Variants in HSP90AB1 observed in about 807,000 individuals in gnomAD.
The protein encoded by HSP90AB1 is heat shock protein HSP 90-beta.
Under a neutral mutation model 67.8 loss-of-function variants are expected in HSP90AB1, and 17 were observed. That is an observed-to-expected ratio of 0.25 (90% CI 0.17 to 0.38). The LOEUF (loss-of-function observed/expected upper bound fraction) is 0.38. Among genes scored for constraint, HSP90AB1 ranks in the 10% least tolerant of loss-of-function variants. The pLI is 1.00. For missense variants in HSP90AB1, 690 were observed against 899.9 expected (o/e 0.77, Z 2.98); for synonymous variants, 390 against 312.9 (o/e 1.25, Z -2.60).
upstream of HSP90AB1, among the ~76,000 whole-genome samples, chr6:44,246,845 C>T (rs929213331): frequency 1.3e-5 from 2 of 152,176 alleles, no homozygotes; most frequent in Non-Finnish European, 2.9e-5. Context: ...CAAATGAGCA[C>T]TCCTCATCCC....
rs140435635 is a variant in HSP90AB1, at chr6:44,251,146, C to T, written c.1056C>T (p.Asn352=). The T allele has an allele frequency of 1.4e-4, 225 of 1,614,076 alleles. 1 individual carries two copies. Among genetic ancestry groups the T allele is most frequent in the South Asian group, 2.1e-4 (19 of 91,086 alleles). ...DLFENKKKKN[N]IKLYVRRVFI... ...TTGAGAACAAGAAGAAAAAGAACAACATCAAACTCTATGTCCGCCGTGTGT... is the reference window on the plus strand; with the variant it reads ...TTGAGAACAAGAAGAAAAAGAACAATATCAAACTCTATGTCCGCCGTGTGT... Residue 352 remains asparagine (N), a synonymous_variant, in exon 7 of 12, where the codon AAC becomes AAT. Transcript: ENST00000371646.
chr6:44,252,124 G>C lies in HSP90AB1; in HGVS notation c.1588G>C (p.Gly530Arg), dbSNP rs1780712532. Residue 530 changes from glycine (G) to arginine (R), a missense_variant, in exon 10 of 12, where the codon GGG (glycine) becomes CGG (arginine). Transcript: ENST00000371646. The part of the protein sequence containing the change: ...YCVQQLKEFD[G>R]KSLVSVTKEG... ...TGTGCAGCAGCTCAAGGAATTTGATGGGAAGAGCCTGGTCTCAGTTACCAA... is the reference window on the plus strand; with the variant it reads ...TGTGCAGCAGCTCAAGGAATTTGATCGGAAGAGCCTGGTCTCAGTTACCAA... The C allele has an allele frequency of 6.2e-7, 1 of 1,614,008 alleles. No homozygotes were observed. Among genetic ancestry groups the C allele is most frequent in the South Asian group, 1.1e-5 (1 of 91,076 alleles).
At position 44,251,960 on chromosome 6, in the gene HSP90AB1, A is replaced by G. The variant is rs376997576; in HGVS notation, c.1463-39A>G. The G allele has an allele frequency of 1.2e-3, 1,953 of 1,613,628 alleles. 5 individuals are homozygous for G. The highest frequency in any genetic ancestry group is 1.9e-3 in the Admixed American group (116 of 60,020). ...GGGCTTCCTGGGAACTGGCAGTATGAGGCATTTTAGTCACTGAGTTCATTT... is the reference window on the plus strand; with the variant it reads ...GGGCTTCCTGGGAACTGGCAGTATGGGGCATTTTAGTCACTGAGTTCATTT... On this transcript the variant is annotated intron_variant, in intron 9 of 11. Coordinates refer to ENST00000371646, the MANE Select transcript of HSP90AB1 (RefSeq NM_007355.4).
chr6:44,253,238 C>T lies in HSP90AB1; in HGVS notation c.1925C>T (p.Ala642Val). ...ATTGTGGAGACGCTGCGGCAGAAGG[C>T]TGAGGCCGACAAGAATGATAAGGCA... is the stretch of plus-strand genomic sequence containing the variant. ...HPIVETLRQK[A>V]EADKNDKAVK... Residue 642 changes from alanine (A) to valine (V), a missense_variant, in exon 11 of 12, where the codon GCT becomes GTT. Coordinates refer to ENST00000371646, the MANE Select transcript of HSP90AB1 (RefSeq NM_007355.4). 2 of 1,614,238 alleles carry T rather than the reference C, an allele frequency of 1.2e-6. No individual in the cohort carries two copies. Among genetic ancestry groups the T allele is most frequent in the South Asian group, 1.1e-5 (1 of 91,088 alleles).
At position 44,251,311 on chromosome 6, in the gene HSP90AB1, A is replaced by G. The variant is rs1020918328; in HGVS notation, c.1123+98A>G. The G allele has an allele frequency of 1.2e-5, 19 of 1,524,140 alleles. No homozygotes were observed. The African/African-American group carries it at 2.6e-4, about 21-fold the overall frequency. 94.4% of individuals were successfully genotyped at this position (1,524,140 alleles called of 1,614,324 possible). On this transcript the variant is annotated intron_variant, in intron 7 of 11. Transcript: ENST00000371646. Reference sequence around the variant, plus strand: ...AAGGTAACAGTTTTCTGCAATACATAGTAGGTGTAAGGGTTCAGGAGGCTA... The same window carrying G: ...AAGGTAACAGTTTTCTGCAATACATGGTAGGTGTAAGGGTTCAGGAGGCTA...
At position 44,253,470 on chromosome 6, in the gene HSP90AB1, T is replaced by G; in HGVS notation, c.2066-19T>G. The G allele has an allele frequency of 6.2e-7, 1 of 1,611,350 alleles. No homozygotes were observed. The highest frequency in any genetic ancestry group is 1.1e-5 in the South Asian group (1 of 90,988). On this transcript the variant is annotated intron_variant, in intron 11 of 11. Coordinates refer to ENST00000371646, the MANE Select transcript of HSP90AB1 (RefSeq NM_007355.4). ...TAATGCTATTTGGTCAAGTCTCACA[T>G]GGCTTAATTTTACTTCAGGTATTGA... is the stretch of plus-strand genomic sequence containing the variant.
intron 7 of HSP90AB1, 87 bp downstream of exon 7, chr6:44,251,300 C>G (rs1561900079): frequency 6.5e-7 from 1 of 1,546,204 alleles, no homozygotes; most frequent in Non-Finnish European, 8.9e-7. Context: ...TAACAGTTTT[C>G]TGCAATACAT....
At chr6:44,249,334 T>C (rs1268770208) in intron 2 of HSP90AB1, 43 bp from the exon 3 acceptor site, 1 of 1,506,548 alleles carries the variant, frequency 6.6e-7, no homozygotes. Flanking sequence ...AGCAAGAGTC[T>C]GTCTTGGAAA....
chr6:44,251,616 G>A lies in HSP90AB1; in HGVS notation c.1314+8G>A. 6.3e-7 allele frequency: 1 copy of A among 1,598,528 alleles called. No homozygotes were observed. Among genetic ancestry groups the A allele is most frequent in the Non-Finnish European group, 8.5e-7 (1 of 1,170,168 alleles). On this transcript the variant is annotated splice_region_variant and intron_variant, in intron 8 of 11. Transcript: ENST00000371646. Reference sequence around the variant, plus strand: ...TTCTCTAAAAATCTCAAGGTAAAAAGGCAAATAATGCTTATTCCCTTTACC... The same window carrying A: ...TTCTCTAAAAATCTCAAGGTAAAAAAGCAAATAATGCTTATTCCCTTTACC...
At position 44,252,011 on chromosome 6, in the gene HSP90AB1, A is replaced by G; in HGVS notation, c.1475A>G (p.Glu492Gly). ...AATTACCCTACAGGTGAGAGCAAAG[A>G]GCAGGTGGCCAACTCAGCTTTTGTG... ...SIYYITGESK[E>G]QVANSAFVER... is the part of the protein sequence containing the mutation. The change falls in exon 10 of 12, where the codon GAG becomes GGG. Residue 492 changes from glutamate to glycine, a missense_variant. Around this residue, in one of 7 missense-constraint regions of HSP90AB1, gnomAD observed 206 missense variants for 221.4 expected, o/e 0.93. Transcript: ENST00000371646. 1 of 1,614,180 alleles carries G rather than the reference A, an allele frequency of 6.2e-7. No homozygotes were observed. Among genetic ancestry groups the G allele is most frequent in the Non-Finnish European group, 8.5e-7 (1 of 1,180,044 alleles).
chr6:44,252,984 A>G (rs775764842), intron 10 of HSP90AB1, 61 bp from the exon 11 acceptor site: 27 of 1,385,458 alleles, frequency 1.9e-5, no homozygotes, highest in Non-Finnish European at 2.6e-5. Flanking sequence ...TAGGCTTGAC[A>G]ATGCCTGTTT....
chr6:44,250,333 G>C lies in HSP90AB1; in HGVS notation c.691G>C (p.Glu231Gln). The change falls in exon 6 of 12, where the codon GAG (glutamate) becomes CAG (glutamine). Residue 231 changes from glutamate (E) to glutamine (Q), a missense_variant. By Grantham distance (29) the Glu-to-Gln change is conservative. Coordinates refer to ENST00000371646, the MANE Select transcript of HSP90AB1 (RefSeq NM_007355.4). ...GAAGGAAATTAGTGATGATGAGGCAGAGGAAGAGAAAGGTGAGAAAGAAGA... is the reference window on the plus strand; with the variant it reads ...GAAGGAAATTAGTGATGATGAGGCACAGGAAGAGAAAGGTGAGAAAGAAGA... ...REKEISDDEA[E>Q]EEKGEKEEED... 6.2e-7 allele frequency: 1 copy of C among 1,614,044 alleles called. No homozygotes were observed. Among genetic ancestry groups the C allele is most frequent in the East Asian group, 2.2e-5 (1 of 44,886 alleles).
rs762208954 is a variant in HSP90AB1, at chr6:44,252,085, A to G, written c.1549A>G (p.Ile517Val). The G allele has an allele frequency of 1.9e-6, 3 of 1,614,192 alleles. No homozygotes were observed. The highest frequency in any genetic ancestry group is 3.3e-5 in the Admixed American group (2 of 60,022). Residue 517 changes from isoleucine to valine, a missense_variant, in exon 10 of 12, where the codon ATT (isoleucine) becomes GTT (valine). Transcript: ENST00000371646. ...GFEVVYMTEP[I>V]DEYCVQQLKE... ...CGAGGTGGTATATATGACCGAGCCC[A>G]TTGACGAGTACTGTGTGCAGCAGCT...
In HSP90AB1 at chr6:44,248,683, G is replaced by A. The variant is rs1780276492; in HGVS notation, c.54G>A (p.Gln18=). ...AGGAGGTGGAGACTTTTGCCTTTCA[G>A]GCAGAAATTGCCCAACTCATGTCCC... ...GEEEVETFAF[Q]AEIAQLMSLI... Residue 18 remains glutamine, a synonymous_variant, in exon 2 of 12, where the codon CAG becomes CAA. Coordinates refer to ENST00000371646, the MANE Select transcript of HSP90AB1 (RefSeq NM_007355.4). The A allele has an allele frequency of 6.2e-7, 1 of 1,614,018 alleles. No homozygotes were observed.
intron 1 of HSP90AB1, 123 bp from the exon 2 acceptor site, chr6:44,248,507 A>T: frequency 1.3e-6 from 1 of 786,908 alleles, no homozygotes; most frequent in Admixed American, 2.8e-5. Flanking sequence ...TTGGGAAGGG[A>T]TAGTACTCCG....
intron 10 of HSP90AB1, among the ~76,000 whole-genome samples, chr6:44,252,542 C>T (rs1461099410): frequency 8.6e-5 from 13 of 152,024 alleles, no homozygotes; most frequent in Admixed American, 8.5e-4. Context: ...GTCACCCAGG[C>T]TGGAGTGCAG....
At chr6:44,251,011 CTT>C (rs1360681074) in intron 6 of HSP90AB1, 35 bp from the exon 7 acceptor site, 13 of 1,600,230 alleles carry the variant, frequency 8.1e-6, no homozygotes, top group South Asian at 1.1e-5. Context: ...AAAAGGTCCT[CTT>C]TTGAAATGTA....
chr6:44,246,823 C>T (rs866163444), upstream of HSP90AB1, among the ~76,000 whole-genome samples: 9 of 152,310 alleles, frequency 5.9e-5, no homozygotes, highest in South Asian at 1.0e-3. Context: ...CCCGTAGAGA[C>T]ACCGTTTATG....
intron 4 of HSP90AB1, 24 bp downstream of exon 4, chr6:44,249,858 G>A (rs1402652578): frequency 1.9e-6 from 3 of 1,599,134 alleles, no homozygotes; most frequent in Non-Finnish European, 2.6e-6. Context: ...TCTGTTACAA[G>A]GTAGTTGGGT....
Sources: gnomAD v4.1 joint callset for allele counts (sites outside exome capture counted in the v4.1 genomes callset) on GRCh38, gnomAD v4.1.1 for gene constraint, gnomAD v4.1.1 regional missense constraint, MANE v1.5 for transcripts, NCBI Gene and HGNC (gene_info 2026-07-23, HGNC 2026-07-21) for gene names.